Variants in ABCG1 observed in about 807,000 individuals in gnomAD.
ABCG1 encodes ATP-binding cassette sub-family G member 1.
A neutral mutation model predicts 69.2 loss-of-function variants in ABCG1; 29 were observed. The ratio of observed to expected loss-of-function variants is 0.42; its 90% confidence interval spans 0.31 to 0.57. The LOEUF (loss-of-function observed/expected upper bound fraction) is 0.57. Ranked by LOEUF, ABCG1 falls within the 20% of genes least tolerant of loss-of-function variation. The probability of loss-of-function intolerance (pLI) is 0.15; values close to 1 mark genes in which losing one functional copy is unlikely to be tolerated. For synonymous variants in ABCG1, 370 were observed against 374.8 expected, an observed-to-expected ratio of 0.99 and a Z score of 0.15; for missense variants, 718 against 898.1, an observed-to-expected ratio of 0.80 and a Z score of 2.56.
At chr21:42,232,003 C>A (rs572596465) in intron 2 of ABCG1, among the ~76,000 whole-genome samples, 1 of 152,248 alleles carries the variant, frequency 6.6e-6, no homozygotes, top group South Asian at 2.1e-4. Flanking sequence ...ACTGGAGAAC[C>A]CTTCTCTTCC....
intron 5 of ABCG1, among the ~76,000 whole-genome samples, chr21:42,278,390 G>A (rs1442087980): frequency 2.0e-5 from 3 of 152,184 alleles, no homozygotes; most frequent in East Asian, 1.9e-4. Flanking sequence ...AAGATGATAT[G>A]TTAAAGCCTA....
In ABCG1 at chr21:42,291,208, G is replaced by A. The variant is rs1438460867; in HGVS notation, c.1494+16G>A. 4.4e-6 allele frequency: 7 copies of A among 1,598,606 alleles called. No individual in the cohort carries two copies. The highest frequency in any genetic ancestry group is 4.3e-6 in the Non-Finnish European group (5 of 1,167,022). The stretch of plus-strand genomic sequence containing the variant: ...GCCCTTTCAGGTGTGTTAGCCAGGG[G>A]CTGGAATTTGAAACGGGGGCAAGAG... On this transcript the variant is annotated intron_variant, in intron 12 of 14. Transcript: ENST00000398449. This position sits in a 1 kb window ranked among gnomAD's most constrained non-coding sequence, Gnocchi z 6.4.
Position 42,228,234 on chromosome 21 carries a change from G to A in ABCG1, c.286+2320G>A, listed in dbSNP as rs1014664389. 2.0e-5 allele frequency among the ~76,000 whole-genome samples: 3 copies of A among 152,218 alleles called. No individual in the cohort carries two copies. In the East Asian group the frequency reaches 5.8e-4, roughly 29 times the overall value. ...AGTAACCTTGTGTGCTCAGGCAGGG[G>A]AAGAGCCTGCAATGGGCCGCCGAGG... is the stretch of plus-strand genomic sequence containing the variant. On this transcript the variant is annotated intron_variant, in intron 2 of 14. Coordinates refer to ENST00000398449, the MANE Select transcript of ABCG1 (RefSeq NM_016818.3).
At chr21:42,263,235 G>T (rs1205230010) in intron 2 of ABCG1, among the ~76,000 whole-genome samples, 1 of 152,230 alleles carries the variant, frequency 6.6e-6, no homozygotes, top group African/African-American at 2.4e-5. Flanking sequence ...TTACTGGGGG[G>T]TAATCTCCAT....
chr21:42,206,351 AAAATAAATAAATAAAT>A (rs79957854), intron 2 of ABCG1, among the ~76,000 whole-genome samples: 3 of 149,036 alleles, frequency 2.0e-5, no homozygotes, highest in Middle Eastern at 3.2e-3. Context: ...CTCTGTCTCA[AAAATAAATAAATAAAT>A]AAATAAATAA....
chr21:42,247,452 C>G (rs1016431932), intron 2 of ABCG1, among the ~76,000 whole-genome samples: 3 of 152,162 alleles, frequency 2.0e-5, no homozygotes, highest in African/African-American at 7.2e-5. Context: ...CGGGGGCACC[C>G]GGTGGAGAAC....
At chr21:42,223,818 G>A (rs778824380) in intron 1 of ABCG1, among the ~76,000 whole-genome samples, 9 of 152,174 alleles carry the variant, frequency 5.9e-5, no homozygotes, top group Non-Finnish European at 8.8e-5. Context: ...TAGATGGGTG[G>A]TGTGGTGGCC....
rs148602827 is a variant in ABCG1 at position 42,208,483 on chromosome 21, C to T, written c.48+6760C>T. On this transcript the variant is annotated intron_variant, in intron 2 of 15. Transcript: ENST00000398457. ...GGAAAAATATGTCTATTCCATCTTC[C>T]CACAAGCCTGTCCTATGACCTTGAA... Among the ~76,000 whole-genome samples the T allele has an allele frequency of 7.1e-3, 1,084 of 152,254 alleles. 16 individuals carry two copies. Among genetic ancestry groups the T allele is most frequent in the African/African-American group, 0.025 (1,031 of 41,546 alleles).
chr21:42,219,224 C>T lies in ABCG1; in HGVS notation c.-39C>T, dbSNP rs1192269879. The T allele has an allele frequency of 3.7e-6, 3 of 815,232 alleles. No homozygotes were observed. Among genetic ancestry groups the T allele is most frequent in the Non-Finnish European group, 4.6e-6 (3 of 647,678 alleles). 50.5% of individuals were successfully genotyped at this position (815,232 alleles called of 1,614,324 possible). Reference sequence around the variant, plus strand: ...GGCCCCGCAGCTCAAGCCTCGTCCCCGCCGCCGCCGCCGCCGCCGCCGCCG... The same window carrying T: ...GGCCCCGCAGCTCAAGCCTCGTCCCTGCCGCCGCCGCCGCCGCCGCCGCCG... On this transcript the variant is annotated 5_prime_UTR_variant, in exon 1 of 15. Coordinates refer to ENST00000398449, the MANE Select transcript of ABCG1 (RefSeq NM_016818.3). This position sits in a 1 kb window ranked among gnomAD's most constrained non-coding sequence, Gnocchi z 5.3.
At chr21:42,228,972 A>C (rs2067860467) in intron 2 of ABCG1, among the ~76,000 whole-genome samples, 1 of 152,206 alleles carries the variant, frequency 6.6e-6, no homozygotes, top group African/African-American at 2.4e-5. Flanking sequence ...GCTGCATCCC[A>C]CTGGACCTCA....
At chr21:42,233,845 AC>A (rs1410157130) in intron 2 of ABCG1, among the ~76,000 whole-genome samples, 2 of 152,244 alleles carry the variant, frequency 1.3e-5, no homozygotes, top group African/African-American at 2.4e-5. Context: ...GAAGGGCAGA[AC>A]CTGAGTCACG....
chr21:42,288,093 C>A lies in ABCG1; in HGVS notation c.1122+56C>A. 1 of 1,605,708 alleles carries A rather than the reference C, an allele frequency of 6.2e-7. No individual in the cohort carries two copies. ...AGAAAGGTAATGCAAATCCCGAAGC[C>A]CCCTGGGGGAGGCTGCACGTGGCAC... On this transcript the variant is annotated intron_variant, in intron 9 of 14. Coordinates refer to ENST00000398449, the MANE Select transcript of ABCG1 (RefSeq NM_016818.3). This position sits in a 1 kb window ranked among gnomAD's most constrained non-coding sequence, Gnocchi z 4.8.
Position 42,296,593 on chromosome 21 carries a change from C to G in ABCG1, c.*201C>G. On this transcript the variant is annotated 3_prime_UTR_variant, in exon 15 of 15. Coordinates refer to ENST00000398449, the MANE Select transcript of ABCG1 (RefSeq NM_016818.3). This position sits in a 1 kb window ranked among gnomAD's most constrained non-coding sequence, Gnocchi z 5.4. The stretch of plus-strand genomic sequence containing the variant: ...ATCTTCTCTCCATTCCCCTTTCTAG[C>G]TTTAACTAGGAAGATGTAGGCAGAT... The G allele has an allele frequency of 1.7e-6, 1 of 573,460 alleles. No individual in the cohort carries two copies. The highest frequency in any genetic ancestry group is 2.1e-5 in the South Asian group (1 of 47,634). 35.5% of individuals were successfully genotyped at this position (573,460 alleles called of 1,614,324 possible).
At position 42,273,660 on chromosome 21, in the gene ABCG1, C is replaced by G. The variant is rs575713441; in HGVS notation, c.537+225C>G. Among the ~76,000 whole-genome samples, 7 of 152,158 alleles carry G rather than the reference C, an allele frequency of 4.6e-5. No homozygotes were observed. The highest frequency in any genetic ancestry group is 1.0e-4 in the Non-Finnish European group (7 of 68,042). On this transcript the variant is annotated intron_variant, in intron 4 of 14. Transcript: ENST00000398449. The surrounding 1 kb of genome is among the most constrained non-coding windows in gnomAD (Gnocchi z 5.3). ...CCCCAAGACTGTGAGTTTAATGGAC[C>G]TTGTTTGGCAGGGTTGGGGTCAAGT...
chr21:42,225,616 T>C, intron 1 of ABCG1, 55 bp from the exon 2 acceptor site: 1 of 1,591,580 alleles, frequency 6.3e-7, no homozygotes, highest in Admixed American at 1.7e-5. Context: ...CTCTTCATGT[T>C]CTTTTTCTTG....
At chr21:42,247,428 A>G (rs1467046809) in intron 2 of ABCG1, among the ~76,000 whole-genome samples, 1 of 152,226 alleles carries the variant, frequency 6.6e-6, no homozygotes, top group Non-Finnish European at 1.5e-5. Context: ...AAGGCCACAA[A>G]GAGGGGCAGA....
chr21:42,270,100 A>C (rs1335762154), intron 2 of ABCG1, among the ~76,000 whole-genome samples: 1 of 152,114 alleles, frequency 6.6e-6, no homozygotes, highest in Non-Finnish European at 1.5e-5. Flanking sequence ...CTCTACTAAA[A>C]ATACAAAAAA....
At chr21:42,285,783 G>T in intron 7 of ABCG1, 97 bp from the exon 8 acceptor site, 1 of 834,852 alleles carries the variant, frequency 1.2e-6, no homozygotes, top group South Asian at 1.4e-5. Context: ...CTGACTGATT[G>T]ATCGGTTGAT....
At chr21:42,229,906 G>C (rs1449746957) in intron 2 of ABCG1, among the ~76,000 whole-genome samples, 1 of 152,194 alleles carries the variant, frequency 6.6e-6, no homozygotes, top group Non-Finnish European at 1.5e-5. Flanking sequence ...CACTCCGGTT[G>C]TTTCCAGGAA....
Sources: gnomAD v4.1 joint callset for allele counts (sites outside exome capture counted in the v4.1 genomes callset) on GRCh38, gnomAD v4.1.1 for gene constraint, Gnocchi (gnomAD v3.1) non-coding constraint, MANE v1.5 for transcripts, NCBI Gene and HGNC (gene_info 2026-07-23, HGNC 2026-07-21) for gene names.